The following NUP214 variants were observed in gnomAD, a reference collection of about 807,000 sequenced individuals.
The protein encoded by NUP214 is nucleoporin 214.
Under a neutral mutation model 196.2 loss-of-function variants are expected in NUP214, and 79 were observed. The observed-to-expected ratio is 0.40, with a 90% confidence interval of 0.34 to 0.49. NUP214 has a LOEUF of 0.49. NUP214 is among the 20% of genes least tolerant of loss of function. NUP214 has a pLI of 0.58. For missense variants in NUP214, 2,468 were observed against 2,539.0 expected (o/e 0.97, Z 0.60); for synonymous variants, 1,020 against 990.5 (o/e 1.03, Z -0.56).
At chr9:131,188,960 A>C in intron 25 of NUP214, 93 bp from the exon 26 acceptor site, 1 of 902,504 alleles carries the variant, frequency 1.1e-6, no homozygotes, top group South Asian at 1.5e-5. Context: ...GCTTATTTTA[A>C]ATTATATTTT....
intron 30 of NUP214, among the ~76,000 whole-genome samples, chr9:131,213,756 G>GTTGTTGTTT (rs1554740996): frequency 1.1e-4 from 15 of 132,962 alleles, no homozygotes; most frequent in Non-Finnish European, 3.2e-5. Context: ...TGGTACTGTT[G>GTTGTTGTTT]TTGTTGTTGT....
In NUP214 at chr9:131,233,439, T is replaced by C. The variant is rs779025137; in HGVS notation, c.6240-15T>C. 2 of 1,606,160 alleles carry C rather than the reference T, an allele frequency of 1.2e-6. No homozygotes were observed. Among genetic ancestry groups the C allele is most frequent in the Non-Finnish European group, 1.7e-6 (2 of 1,175,554 alleles). ...AGAGCAGCTGACTCCACCACTGTCC[T>C]GTGCTTCCTTGCAGGTCTGTCCAGG... On this transcript the variant is annotated splice_polypyrimidine_tract_variant and intron_variant, in intron 35 of 35. Transcript: ENST00000359428.
chr9:131,128,167 C>T (rs1297231319), intron 2 of NUP214, among the ~76,000 whole-genome samples, 165 bp from the exon 3 acceptor site: 1 of 152,162 alleles, frequency 6.6e-6, no homozygotes, highest in Non-Finnish European at 1.5e-5. Flanking sequence ...CTTAATCCAT[C>T]ATTATATATC....
At position 131,193,624 on chromosome 9, in the gene NUP214, C is replaced by CTTTTTT. The variant is rs1564202971; in HGVS notation, c.3659+1336_3659+1337insTTTTTT. 2.8e-4 allele frequency among the ~76,000 whole-genome samples: 5 copies of CTTTTTT among 17,658 alleles called. No homozygotes were observed. The East Asian group carries it at 3.2e-3, about 11-fold the overall frequency. 11.6% of individuals were successfully genotyped at this position (17,658 alleles called of 152,430 possible). On this transcript the variant is annotated intron_variant, in intron 27 of 35. Transcript: ENST00000359428. ...CTTCTGTGAAATGATATTCTTCTTC[C>CTTTTTT]TTTTCTTTTTTTTTTTTTTTTTTTT...
rs1314961964 is a variant in NUP214, at chr9:131,177,067, A to AT, written c.3320-1238dup. ...ATTTTCATTTTAGCTGAGTAAAATT[A>AT]TTTTTTAGATGTATCACTGCTTACA... is the stretch of plus-strand genomic sequence containing the variant. On this transcript the variant is annotated intron_variant, in intron 23 of 35. Coordinates refer to ENST00000359428, the MANE Select transcript of NUP214 (RefSeq NM_005085.4). Among the ~76,000 whole-genome samples the AT allele has an allele frequency of 3.3e-5, 5 of 152,222 alleles. 1 individual carries two copies.
At chr9:131,189,574 A>G (rs1401742073) in intron 26 of NUP214, among the ~76,000 whole-genome samples, 1 of 152,248 alleles carries the variant, frequency 6.6e-6, no homozygotes, top group Non-Finnish European at 1.5e-5. Flanking sequence ...CCTATAAGGT[A>G]GAGAAAGTGA....
chr9:131,152,118 A>C (rs1264703055), intron 17 of NUP214, among the ~76,000 whole-genome samples: 2 of 152,040 alleles, frequency 1.3e-5, no homozygotes, highest in Admixed American at 6.6e-5. Context: ...TTTTTAAAAT[A>C]CTTTTTTTCT....
chr9:131,183,879 T>G (rs1192035003), intron 24 of NUP214, among the ~76,000 whole-genome samples: 3 of 152,108 alleles, frequency 2.0e-5, no homozygotes, highest in African/African-American at 7.2e-5. Flanking sequence ...AAAATGTTTC[T>G]TGTTAGAGAA....
intron 27 of NUP214, among the ~76,000 whole-genome samples, chr9:131,192,890 A>G (rs2131033756): frequency 1.5e-5 from 2 of 135,508 alleles, no homozygotes; most frequent in East Asian, 4.9e-4. Flanking sequence ...ACAGTGAGCT[A>G]TGATCACACC....
intron 16 of NUP214, among the ~76,000 whole-genome samples, 200 bp downstream of exon 16, chr9:131,150,965 G>C (rs965060924): frequency 6.6e-6 from 1 of 152,124 alleles, no homozygotes; most frequent in Non-Finnish European, 1.5e-5. Context: ...CTTTGGGCAA[G>C]TTAACCTCGT....
chr9:131,220,649 A>G (rs1359738960), intron 31 of NUP214, among the ~76,000 whole-genome samples: 3 of 152,180 alleles, frequency 2.0e-5, no homozygotes, highest in African/African-American at 4.8e-5. Flanking sequence ...TGTGTGCATC[A>G]TGTTATCTTC....
rs957277204 is a variant in NUP214 at position 131,156,451 on chromosome 9, A to G, written c.2437-2932A>G. ...CCGGCTGAGCATGGGATGTATTTCT[A>G]TTTGTTTGTGTCGTTTCCATTTGTG... On this transcript the variant is annotated intron_variant, in intron 17 of 35. Transcript: ENST00000359428. Among the ~76,000 whole-genome samples the G allele has an allele frequency of 8.0e-5, 12 of 149,606 alleles. No individual in the cohort carries two copies. The South Asian group carries it at 1.0e-3, about 13-fold the overall frequency.
intron 24 of NUP214, among the ~76,000 whole-genome samples, chr9:131,179,101 A>G (rs1036502220): frequency 5.9e-5 from 9 of 152,176 alleles, no homozygotes; most frequent in Middle Eastern, 3.4e-3. Context: ...GGCCCAAGCC[A>G]TGCTCCCATA....
chr9:131,225,409 ACT>A (rs1834694247), intron 32 of NUP214, among the ~76,000 whole-genome samples: 2 of 152,048 alleles, frequency 1.3e-5, no homozygotes. Flanking sequence ...ACAAAGCAAG[ACT>A]CTGTCTCAAA....
chr9:131,201,653 GGTCTA>G lies in NUP214; in HGVS notation c.5531_5535del (p.Ser1844Ter). Reference sequence around the variant, plus strand: ...TTTTCTTTGTATTTTACAGGTTTTGGGTCTAGTAATACTGGTTCTGTGTTTGGTCA... The same window carrying G: ...TTTTCTTTGTATTTTACAGGTTTTGGGTAATACTGGTTCTGTGTTTGGTCA... On this transcript the variant is annotated frameshift_variant, in exon 30 of 36. Transcript: ENST00000359428. LOFTEE classifies it high-confidence loss of function. The G allele has an allele frequency of 6.2e-7, 1 of 1,613,554 alleles. No individual in the cohort carries two copies. Among genetic ancestry groups the G allele is most frequent in the Non-Finnish European group, 8.5e-7 (1 of 1,179,520 alleles).
intron 10 of NUP214, among the ~76,000 whole-genome samples, 154 bp downstream of exon 10, chr9:131,139,561 C>T (rs187591077): frequency 5.9e-5 from 9 of 152,314 alleles, no homozygotes; most frequent in Admixed American, 2.0e-4. Flanking sequence ...TAACAGGCTG[C>T]GTTGTGACAA....
At chr9:131,220,503 G>T (rs913299914) in intron 31 of NUP214, among the ~76,000 whole-genome samples, 1 of 152,168 alleles carries the variant, frequency 6.6e-6, no homozygotes, top group African/African-American at 2.4e-5. Context: ...AAATGAAAAG[G>T]ATTTGATTAT....
intron 30 of NUP214, among the ~76,000 whole-genome samples, chr9:131,209,293 A>G (rs918016886): frequency 4.6e-5 from 7 of 152,270 alleles, no homozygotes; most frequent in South Asian, 2.1e-4. Context: ...TGGGAGGATC[A>G]CTTGAGCTCG....
Position 131,154,933 on chromosome 9 carries a change from T to C in NUP214, c.2436+3039T>C, listed in dbSNP as rs186051543. On this transcript the variant is annotated intron_variant, in intron 17 of 35. Coordinates refer to ENST00000359428, the MANE Select transcript of NUP214 (RefSeq NM_005085.4). Reference sequence around the variant, plus strand: ...GGCTCGTTCCATATTTTTGCAATTGTGAATTGTGCTGCTGTAAACATGCGT... The same window carrying C: ...GGCTCGTTCCATATTTTTGCAATTGCGAATTGTGCTGCTGTAAACATGCGT... Among the ~76,000 whole-genome samples, 349 of 152,380 alleles carry C rather than the reference T, an allele frequency of 2.3e-3. 4 individuals carry two copies. The highest frequency in any genetic ancestry group is 8.1e-3 in the African/African-American group (335 of 41,592).
Sources: allele counts gnomAD v4.1 joint callset (sites outside exome capture counted in the v4.1 genomes callset), GRCh38; gene constraint gnomAD v4.1.1; transcripts MANE v1.5; gene names NCBI Gene and HGNC (gene_info 2026-07-23, HGNC 2026-07-21).